The following NEO1 variants were observed in gnomAD, a reference collection of about 807,000 sequenced individuals.
NEO1 encodes neogenin 1.
In NEO1, 63 loss-of-function variants were observed where a neutral mutation model predicts 159.7. The ratio of observed to expected loss-of-function variants is 0.39; its 90% confidence interval spans 0.32 to 0.49. NEO1 has a LOEUF of 0.49. NEO1 is among the 20% of genes least tolerant of loss of function. NEO1 has a pLI of 0.85. For synonymous variants in NEO1, 633 were observed against 662.0 expected (o/e 0.96, Z 0.67); for missense variants, 1,615 against 1,831.0 (o/e 0.88, Z 2.15).
In NEO1 at chr15:73,302,780, G is replaced by C. The variant is rs1055165976; in HGVS notation, c.*84G>C. ...GAAAACAAGGAATTGTACAGAGTAC[G>C]AGAGGACAGCACTTGAGAACACAGA... is the stretch of plus-strand genomic sequence containing the variant. On this transcript the variant is annotated 3_prime_UTR_variant, in exon 29 of 29. Transcript: ENST00000261908. The C allele has an allele frequency of 4.0e-6, 5 of 1,258,992 alleles. No individual in the cohort carries two copies. In the Admixed American group the frequency reaches 9.6e-5, roughly 24 times the overall value. 78.0% of individuals were successfully genotyped at this position (1,258,992 alleles called of 1,614,324 possible). A position where few individuals can be genotyped will look rare whatever the true frequency, so the allele number is the denominator to read the frequency against.
intron 12 of NEO1, 21 bp from the exon 13 acceptor site, chr15:73,254,661 C>T (rs746882464): frequency 1.9e-6 from 3 of 1,569,890 alleles, no homozygotes; most frequent in Admixed American, 2.0e-5. Flanking sequence ...AGCCTTTTTT[C>T]TATAATTCTG....
At chr15:73,111,550 C>T (rs1040044039) in intron 1 of NEO1, among the ~76,000 whole-genome samples, 1 of 152,092 alleles carries the variant, frequency 6.6e-6, no homozygotes, top group East Asian at 1.9e-4. Flanking sequence ...GCTATTTACA[C>T]GAGTGTGAAC....
chr15:73,263,218 G>T (rs1303254335), intron 15 of NEO1, among the ~76,000 whole-genome samples: 1 of 128,320 alleles, frequency 7.8e-6, no homozygotes, highest in African/African-American at 3.0e-5. Flanking sequence ...TTTTGAGACA[G>T]CATCTCACTC....
chr15:73,063,789 G>A (rs563577671), intron 1 of NEO1, among the ~76,000 whole-genome samples: 19 of 152,256 alleles, frequency 1.2e-4, no homozygotes, highest in African/African-American at 4.3e-4. Flanking sequence ...TAGCAGAGGG[G>A]TGATGATGAT....
At chr15:73,053,676 T>G (rs564011952) in intron 1 of NEO1, among the ~76,000 whole-genome samples, 1 of 152,298 alleles carries the variant, frequency 6.6e-6, no homozygotes, top group African/African-American at 2.4e-5. Context: ...CGAACAAAAA[T>G]GCCAAGCCTT....
intron 1 of NEO1, among the ~76,000 whole-genome samples, chr15:73,091,927 G>C (rs2069719156): frequency 6.6e-6 from 1 of 151,906 alleles, no homozygotes; most frequent in Non-Finnish European, 1.5e-5. Context: ...TGCCTGGCCT[G>C]TGAGCTGTAT....
intron 1 of NEO1, among the ~76,000 whole-genome samples, chr15:73,111,714 G>A (rs1056379147): frequency 6.6e-6 from 1 of 151,978 alleles, no homozygotes; most frequent in African/African-American, 2.4e-5. Flanking sequence ...TCTTCCTCCC[G>A]TGCTCCAGTG....
chr15:73,184,852 C>T (rs1247738803), intron 7 of NEO1, among the ~76,000 whole-genome samples: 4 of 151,964 alleles, frequency 2.6e-5, no homozygotes, highest in Admixed American at 6.6e-5. Context: ...CACTTGAACC[C>T]GGGAGGCGAA....
At chr15:73,055,940 A>T (rs1002573040) in intron 1 of NEO1, among the ~76,000 whole-genome samples, 4 of 152,084 alleles carry the variant, frequency 2.6e-5, no homozygotes, top group African/African-American at 9.7e-5. Context: ...TTTCATCTTC[A>T]TCCCCACCTG....
intron 5 of NEO1, among the ~76,000 whole-genome samples, chr15:73,173,520 TA>T (rs1380178673): frequency 4.6e-5 from 7 of 152,166 alleles, no homozygotes; most frequent in African/African-American, 1.4e-4. Context: ...TTAGTAAGTC[TA>T]GTTTGTTTCG....
At chr15:73,064,110 TAGTTAC>T (rs1215690802) in intron 1 of NEO1, among the ~76,000 whole-genome samples, 1 of 152,210 alleles carries the variant, frequency 6.6e-6, no homozygotes, top group Non-Finnish European at 1.5e-5. Context: ...TTCTTCAGAG[TAGTTAC>T]AGTTAAGTAG....
Position 73,139,013 on chromosome 15 carries a change from T to G in NEO1, c.1015+2986T>G, listed in dbSNP as rs141373997. 3.4e-3 allele frequency among the ~76,000 whole-genome samples: 520 copies of G among 152,198 alleles called. 2 individuals carry two copies. Among genetic ancestry groups the G allele is most frequent in the African/African-American group, 0.012 (494 of 41,520 alleles). ...GGAAAAAAAGAAAAAGCAGTGCGGATTTTTCCTGGCTCTCTCGATGCTAAG... is the reference window on the plus strand; with the variant it reads ...GGAAAAAAAGAAAAAGCAGTGCGGAGTTTTCCTGGCTCTCTCGATGCTAAG... On this transcript the variant is annotated intron_variant, in intron 5 of 28. Transcript: ENST00000261908.
In NEO1 at chr15:73,260,276, C is replaced by T. The variant is rs2040562590; in HGVS notation, c.2209C>T (p.Arg737Cys). ...ETFESDLDET[R>C]VPEVPSSLHV... ...TTTCCACTTTTCCTTCCCAGAAACT[C>T]GTGTTCCTGAAGTGCCTAGCTCTCT... Residue 737 changes from arginine to cysteine, a missense_variant, in exon 15 of 29, where the codon CGT (arginine) becomes TGT (cysteine). Coordinates refer to ENST00000261908, the MANE Select transcript of NEO1 (RefSeq NM_002499.4). The T allele has an allele frequency of 6.2e-7, 1 of 1,611,168 alleles. No homozygotes were observed. Among genetic ancestry groups the T allele is most frequent in the Non-Finnish European group, 8.5e-7 (1 of 1,178,176 alleles).
intron 8 of NEO1, among the ~76,000 whole-genome samples, chr15:73,238,061 C>T (rs2039281118): frequency 6.6e-6 from 1 of 152,080 alleles, no homozygotes; most frequent in Non-Finnish European, 1.5e-5. Context: ...CAGCCTGTTC[C>T]CAAGCTAATT....
intron 1 of NEO1, among the ~76,000 whole-genome samples, chr15:73,067,002 A>T (rs1244347094): frequency 9.9e-5 from 15 of 152,128 alleles, no homozygotes; most frequent in Admixed American, 9.8e-4. Flanking sequence ...TCAGCGGGAG[A>T]ATTGGTCTAA....
chr15:73,080,895 G>A (rs893709112), intron 1 of NEO1, among the ~76,000 whole-genome samples: 1 of 152,232 alleles, frequency 6.6e-6, no homozygotes, highest in South Asian at 2.1e-4. Flanking sequence ...GGATGCATTT[G>A]CAAATAGCGT....
intron 1 of NEO1, among the ~76,000 whole-genome samples, chr15:73,088,470 T>C (rs930115174): frequency 4.6e-5 from 7 of 152,084 alleles, no homozygotes; most frequent in African/African-American, 1.7e-4. Context: ...AGTTTTTACC[T>C]AAAAACATGT....
intron 7 of NEO1, among the ~76,000 whole-genome samples, chr15:73,198,683 T>C (rs1363822461): frequency 2.0e-5 from 3 of 152,086 alleles, no homozygotes; most frequent in Non-Finnish European, 4.4e-5. Flanking sequence ...TGTTAGCTCC[T>C]CTTAGATTTT....
chr15:73,238,763 A>G (rs1008990934), intron 8 of NEO1, among the ~76,000 whole-genome samples: 6 of 152,090 alleles, frequency 3.9e-5, no homozygotes, highest in African/African-American at 1.4e-4. Context: ...TGGAAAGCCC[A>G]TTAGAGTTAA....
Sources: gnomAD v4.1 joint callset for allele counts (sites outside exome capture counted in the v4.1 genomes callset) on GRCh38, gnomAD v4.1.1 for gene constraint, MANE v1.5 for transcripts, NCBI Gene and HGNC (gene_info 2026-07-23, HGNC 2026-07-21) for gene names.